The following EZH2 variants were observed in gnomAD, a reference collection of about 807,000 sequenced individuals.
The protein encoded by EZH2 is enhancer of zeste 2 polycomb repressive complex 2 subunit.
In EZH2, 18 loss-of-function variants were observed where a neutral mutation model predicts 98.4. That is an observed-to-expected ratio of 0.18 (90% CI 0.13 to 0.27). The LOEUF is 0.27. Among genes scored for constraint, EZH2 ranks in the 10% least tolerant of loss-of-function variants. The pLI is 1.00. For missense variants in EZH2, 470 were observed against 935.1 expected, an observed-to-expected ratio of 0.50 and a Z score of 6.49; for synonymous variants, 338 against 312.3, an observed-to-expected ratio of 1.08 and a Z score of -0.87.
intron 3 of EZH2, among the ~76,000 whole-genome samples, chr7:148,839,364 G>C (rs1811819737): frequency 6.6e-6 from 1 of 151,990 alleles, no homozygotes; most frequent in African/African-American, 2.4e-5. Context: ...TTCCTGATGG[G>C]TTAAATGATA....
At chr7:148,816,381 G>C (rs920483456) in intron 12 of EZH2, among the ~76,000 whole-genome samples, 4 of 152,176 alleles carry the variant, frequency 2.6e-5, no homozygotes, top group African/African-American at 9.7e-5. Flanking sequence ...TGATGTTAAA[G>C]TAATTGTTTA....
intron 1 of EZH2, among the ~76,000 whole-genome samples, chr7:148,882,697 G>C (rs1041822922): frequency 2.6e-5 from 4 of 152,104 alleles, no homozygotes; most frequent in African/African-American, 9.7e-5. Flanking sequence ...TTTTTCAAAG[G>C]TTTATTAAAT....
chr7:148,856,837 G>A (rs897489977), intron 1 of EZH2, among the ~76,000 whole-genome samples: 8 of 152,220 alleles, frequency 5.3e-5, no homozygotes, highest in Admixed American at 1.3e-4. Context: ...AACTGGAGGA[G>A]AAGGAACAAC....
At chr7:148,828,058 C>T (rs1808232599) in intron 6 of EZH2, among the ~76,000 whole-genome samples, 1 of 152,222 alleles carries the variant, frequency 6.6e-6, no homozygotes, top group Non-Finnish European at 1.5e-5. Flanking sequence ...GCGAAGCTTG[C>T]AGTAAGCTGA....
intron 19 of EZH2, among the ~76,000 whole-genome samples, chr7:148,808,163 A>G (rs887570): frequency 0.66 from 99,903 of 151,900 alleles, 33,274 homozygotes; most frequent in African/African-American, 0.76. Flanking sequence ...AGTGCAGCGG[A>G]CACCCAGAGA....
rs1258220188 is a variant in EZH2, at chr7:148,874,891, C to T, written c.-8+9273G>A. Among the ~76,000 whole-genome samples the T allele has an allele frequency of 6.2e-5, 9 of 145,600 alleles. No individual in the cohort carries two copies. In the South Asian group the frequency reaches 6.5e-4, roughly 10 times the overall value. ...CAGCCTGGGGGACAGAGCAAGACTC[C>T]GTCTCAAAAAAAAAAAAAAAAAATT... is the stretch of plus-strand genomic sequence containing the variant. On this transcript the variant is annotated intron_variant, in intron 1 of 19. Transcript: ENST00000320356.
chr7:148,826,003 T>TA (rs1807585669), intron 8 of EZH2, among the ~76,000 whole-genome samples: 2 of 152,198 alleles, frequency 1.3e-5, no homozygotes, highest in Admixed American at 6.5e-5. Context: ...CAGGTATTTT[T>TA]AAAAAACAAC....
At chr7:148,843,607 T>G (rs999969904) in intron 3 of EZH2, among the ~76,000 whole-genome samples, 9 of 127,500 alleles carry the variant, frequency 7.1e-5, no homozygotes, top group African/African-American at 1.9e-4. Context: ...TTTTTTTTTT[T>G]TTTTTTGAGA....
At position 148,812,216 on chromosome 7, in the gene EZH2, C is replaced by CCATA. The variant is rs550076848; in HGVS notation, c.1852-500_1852-497dup. ...CACTGGCGTTGGTTCCCTCTGAAGCCCATAGCAGCTTGGCTTTGGATTTGT... is the reference window on the plus strand; with the variant it reads ...CACTGGCGTTGGTTCCCTCTGAAGCCCATACATAGCAGCTTGGCTTTGGATTTGT... On this transcript the variant is annotated intron_variant, in intron 15 of 19. Coordinates refer to ENST00000320356, the MANE Select transcript of EZH2 (RefSeq NM_004456.5). 5.8e-3 allele frequency among the ~76,000 whole-genome samples: 882 copies of CCATA among 152,290 alleles called. 7 individuals carry two copies. The highest frequency in any genetic ancestry group is 0.021 in the South Asian group (100 of 4,822).
chr7:148,870,005 G>C (rs867571936), intron 1 of EZH2, among the ~76,000 whole-genome samples: 18 of 152,054 alleles, frequency 1.2e-4, no homozygotes, highest in East Asian at 5.8e-4. Context: ...AGGGTCACTT[G>C]AGCCCACGAG....
At chr7:148,853,529 G>A (rs1460311078) in intron 1 of EZH2, among the ~76,000 whole-genome samples, 3 of 152,222 alleles carry the variant, frequency 2.0e-5, no homozygotes, top group African/African-American at 7.2e-5. Context: ...TCTGACAGGA[G>A]GCGGAGCTCA....
chr7:148,861,686 T>C (rs1014772754), intron 1 of EZH2, among the ~76,000 whole-genome samples: 15 of 151,838 alleles, frequency 9.9e-5, no homozygotes, highest in African/African-American at 3.6e-4. Context: ...AATTAGTGAG[T>C]GAGGGCAAGC....
chr7:148,863,591 T>C (rs1818013364), intron 1 of EZH2, among the ~76,000 whole-genome samples: 1 of 152,022 alleles, frequency 6.6e-6, no homozygotes, highest in African/African-American at 2.4e-5. Context: ...TACTCACACC[T>C]CACCCTACCA....
At chr7:148,845,546 AC>A (rs1441125269) in intron 3 of EZH2, among the ~76,000 whole-genome samples, 3 of 152,226 alleles carry the variant, frequency 2.0e-5, no homozygotes, top group Non-Finnish European at 4.4e-5. Flanking sequence ...GATATCACTG[AC>A]AAGTCTTTGA....
At chr7:148,861,892 G>A (rs1339851038) in intron 1 of EZH2, among the ~76,000 whole-genome samples, 2 of 151,236 alleles carry the variant, frequency 1.3e-5, no homozygotes, top group African/African-American at 2.4e-5. Context: ...ACGGATTCTC[G>A]TAACTGTTTC....
At chr7:148,813,406 C>T (rs777535236) in intron 15 of EZH2, among the ~76,000 whole-genome samples, 1 of 151,210 alleles carries the variant, frequency 6.6e-6, no homozygotes, top group African/African-American at 2.4e-5. Context: ...TACTTCCTGG[C>T]TGATAGAGTT....
At chr7:148,813,330 TAAAA>T (rs11357223) in intron 15 of EZH2, among the ~76,000 whole-genome samples, 1 of 146,102 alleles carries the variant, frequency 6.8e-6, no homozygotes, top group Admixed American at 6.8e-5. Flanking sequence ...TCATCTGCCC[TAAAA>T]AAAAAAAAAA....
intron 3 of EZH2, among the ~76,000 whole-genome samples, chr7:148,832,995 C>A (rs560023824): frequency 2.0e-5 from 3 of 152,290 alleles, no homozygotes; most frequent in Non-Finnish European, 4.4e-5. Context: ...TTACCAATAT[C>A]AGTAAGAATC....
chr7:148,835,256 C>T (rs1246365679), intron 3 of EZH2, among the ~76,000 whole-genome samples: 1 of 151,966 alleles, frequency 6.6e-6, no homozygotes, highest in Admixed American at 6.6e-5. Flanking sequence ...CCTGTCTCTA[C>T]TAAAAACACA....
Sources: gnomAD v4.1 joint callset for allele counts (sites outside exome capture counted in the v4.1 genomes callset) on GRCh38, gnomAD v4.1.1 for gene constraint, MANE v1.5 for transcripts, NCBI Gene and HGNC (gene_info 2026-07-23, HGNC 2026-07-21) for gene names.